PCDHGA7: variants seen among roughly 807,000 people sequenced by gnomAD.
PCDHGA7 encodes the protein protocadherin gamma subfamily A, 7.
PCDHGA7 carries 44 observed loss-of-function variants against 58.3 expected under a neutral mutation model. The observed-to-expected ratio is 0.75, with a 90% confidence interval of 0.59 to 0.97. PCDHGA7 has a LOEUF of 0.97. Among genes scored for constraint, PCDHGA7 ranks in the 50% least tolerant of loss-of-function variants. The pLI, the probability that PCDHGA7 is intolerant of heterozygous loss-of-function variation, is 0.00. For synonymous variants in PCDHGA7, 516 were observed against 504.2 expected (o/e 1.02, Z -0.31); for missense variants, 1,266 against 1,188.7 (o/e 1.06, Z -0.96).
Position 141,432,492 on chromosome 5 carries a change from C to A in PCDHGA7, c.2424+47169C>A. On this transcript the variant is annotated intron_variant, in intron 1 of 3. Transcript: ENST00000518325. The surrounding 1 kb of genome is among the most constrained non-coding windows in gnomAD (Gnocchi z 6.0). ...GACGGTTCCACTGGCGTGGAGCTGG[C>A]TCCCCGCTCCGCAGAGCCCGGCTAC... 6.2e-7 allele frequency: 1 copy of A among 1,614,168 alleles called. No individual in the cohort carries two copies. Among genetic ancestry groups the A allele is most frequent in the Admixed American group, 1.7e-5 (1 of 60,034 alleles).
In PCDHGA7 at chr5:141,383,962, T is replaced by C; in HGVS notation, c.1063T>C (p.Ser355Pro). The part of the protein sequence containing the change: ...PEVTMTSLSS[S>P]IPEDTPLGTV... ...AGTGACTATGACGTCTTTAAGTAGC[T>C]CAATCCCTGAAGACACACCTCTTGG... The change falls in exon 1 of 4, where the codon TCA becomes CCA. Residue 355 changes from serine to proline, a missense_variant. Coordinates refer to ENST00000518325, the MANE Select transcript of PCDHGA7 (RefSeq NM_018920.4). 1.2e-6 allele frequency: 2 copies of C among 1,613,460 alleles called. No individual in the cohort carries two copies. The highest frequency in any genetic ancestry group is 1.7e-6 in the Non-Finnish European group (2 of 1,179,426).
intron 1 of PCDHGA7, among the ~76,000 whole-genome samples, chr5:141,435,833 A>G (rs1354866725): frequency 6.6e-6 from 1 of 152,112 alleles, no homozygotes; most frequent in Non-Finnish European, 1.5e-5. Flanking sequence ...TTTGCTGCCT[A>G]TCTACTTTGA....
chr5:141,413,386 G>A (rs757396075), intron 1 of PCDHGA7: 6 of 1,613,884 alleles, frequency 3.7e-6, no homozygotes, highest in African/African-American at 1.3e-5. Context: ...AGTCCGCATA[G>A]TCTCCAGAGG....
chr5:141,424,184 C>A, intron 1 of PCDHGA7: 1 of 199,136 alleles, frequency 5.0e-6, no homozygotes, highest in Non-Finnish European at 9.9e-6. Context: ...TACACATGCA[C>A]ACACACTTAT....
At chr5:141,392,776 C>T in intron 1 of PCDHGA7, 1 of 1,526,772 alleles carries the variant, frequency 6.5e-7, no homozygotes, top group African/African-American at 1.4e-5. Flanking sequence ...CATTTATGCA[C>T]AGTGAAGATT....
Position 141,489,828 on chromosome 5 carries a change from A to G in PCDHGA7, c.2425-4979A>G. The G allele has an allele frequency of 1.9e-6, 3 of 1,614,010 alleles. No homozygotes were observed. The highest frequency in any genetic ancestry group is 1.1e-5 in the South Asian group (1 of 91,080). ...GGAAGCCATTCCCAGAGCTGGTGCTAGAGCAGCAGCTGGATCGTGAAGCCC... is the reference window on the plus strand; with the variant it reads ...GGAAGCCATTCCCAGAGCTGGTGCTGGAGCAGCAGCTGGATCGTGAAGCCC... On this transcript the variant is annotated intron_variant, in intron 1 of 3. Transcript: ENST00000518325. The surrounding 1 kb of genome is among the most constrained non-coding windows in gnomAD (Gnocchi z 4.5).
intron 1 of PCDHGA7, among the ~76,000 whole-genome samples, chr5:141,472,712 G>A (rs1303609397): frequency 1.3e-5 from 2 of 151,972 alleles, no homozygotes; most frequent in Admixed American, 6.6e-5. Flanking sequence ...CAGGCCAGGC[G>A]CTGTGGCTCA....
chr5:141,398,165 G>A (rs574512663), intron 1 of PCDHGA7: 4 of 1,479,272 alleles, frequency 2.7e-6, no homozygotes, highest in South Asian at 2.8e-5. Context: ...CGGGCTGAGA[G>A]GCTGCCAGTG....
Position 141,477,365 on chromosome 5 carries a change from C to T in PCDHGA7, c.2425-17442C>T, listed in dbSNP as rs754438240. On this transcript the variant is annotated intron_variant, in intron 1 of 3. Transcript: ENST00000518325. The surrounding 1 kb of genome is among the most constrained non-coding windows in gnomAD (Gnocchi z 4.9). ...TTTGAAAACCAGTGCAGACCTGGAT[C>T]GGGAGACTGTGCCAGAATACAACCT... The T allele has an allele frequency of 6.2e-7, 1 of 1,614,156 alleles. No homozygotes were observed. The highest frequency in any genetic ancestry group is 1.7e-5 in the Admixed American group (1 of 60,022).
intron 1 of PCDHGA7, among the ~76,000 whole-genome samples, chr5:141,443,781 C>CA (rs1227271563): frequency 8.6e-5 from 13 of 150,636 alleles, no homozygotes; most frequent in South Asian, 2.1e-4. Flanking sequence ...ACCAAAAAGA[C>CA]AAAAAAAATG....
At chr5:141,446,669 C>T (rs554578186) in intron 1 of PCDHGA7, among the ~76,000 whole-genome samples, 2 of 152,182 alleles carry the variant, frequency 1.3e-5, no homozygotes, top group Admixed American at 1.3e-4. Flanking sequence ...TACAAGACAG[C>T]ATTTCACCAT....
intron 1 of PCDHGA7, among the ~76,000 whole-genome samples, chr5:141,488,938 A>T (rs1195859645): frequency 6.6e-6 from 1 of 152,154 alleles, no homozygotes; most frequent in East Asian, 1.9e-4. Context: ...AGGAAACTCC[A>T]TAATTGGTTG....
chr5:141,391,821 T>G (rs2092426299), intron 1 of PCDHGA7: 1 of 152,220 alleles, frequency 6.6e-6, no homozygotes, highest in African/African-American at 2.4e-5. Flanking sequence ...GTAGGTAAAG[T>G]TAATTTTAGA....
chr5:141,393,049 C>T (rs2092663894), intron 1 of PCDHGA7: 4 of 1,613,486 alleles, frequency 2.5e-6, no homozygotes, highest in South Asian at 1.1e-5. Context: ...GCTCTGAACC[C>T]GCGCAGCGGC....
chr5:141,485,586 TG>T lies in PCDHGA7; in HGVS notation c.2425-9219del. The T allele has an allele frequency of 6.2e-7, 1 of 1,612,402 alleles. No homozygotes were observed. Among genetic ancestry groups the T allele is most frequent in the Non-Finnish European group, 8.5e-7 (1 of 1,178,600 alleles). Reference sequence around the variant, plus strand: ...GCCCCCCGTTTTCCGCGGCAGCAGCTGGACTTGGAAATTGGGGAGGCAGCTC... The same window carrying T: ...GCCCCCCGTTTTCCGCGGCAGCAGCTGACTTGGAAATTGGGGAGGCAGCTC... On this transcript the variant is annotated intron_variant, in intron 1 of 3. Coordinates refer to ENST00000518325, the MANE Select transcript of PCDHGA7 (RefSeq NM_018920.4). The surrounding 1 kb of genome is among the most constrained non-coding windows in gnomAD (Gnocchi z 5.7).
rs374049261 is a variant in PCDHGA7, at chr5:141,393,657, C to T, written c.2424+8334C>T. ...CAACGGAAAAGTGGCATACAAATTC[C>T]GGAAAATTAATGAAAAACAAACTCC... On this transcript the variant is annotated intron_variant, in intron 1 of 3. Coordinates refer to ENST00000518325, the MANE Select transcript of PCDHGA7 (RefSeq NM_018920.4). The T allele has an allele frequency of 3.5e-5, 57 of 1,613,744 alleles. No individual in the cohort carries two copies. In the African/African-American group the frequency reaches 6.5e-4, roughly 19 times the overall value.
chr5:141,410,063 C>A lies in PCDHGA7; in HGVS notation c.2424+24740C>A. 1.9e-6 allele frequency: 3 copies of A among 1,612,972 alleles called. No homozygotes were observed. The South Asian group carries it at 3.3e-5, about 18-fold the overall frequency. On this transcript the variant is annotated intron_variant, in intron 1 of 3. Coordinates refer to ENST00000518325, the MANE Select transcript of PCDHGA7 (RefSeq NM_018920.4). ...TGAGCCCGGACTCTTCAGCCTGGGG[C>A]TGCGCACTGGGGAGGTGCGCACGGC...
chr5:141,394,466 C>G lies in PCDHGA7; in HGVS notation c.2424+9143C>G, dbSNP rs765078363. 3.7e-6 allele frequency: 6 copies of G among 1,614,222 alleles called. 1 individual carries two copies. Among genetic ancestry groups the G allele is most frequent in the East Asian group, 4.5e-5 (2 of 44,878 alleles). On this transcript the variant is annotated intron_variant, in intron 1 of 3. Transcript: ENST00000518325. The stretch of plus-strand genomic sequence containing the variant: ...GCAGCAACATGTCACTGAGCCTGTT[C>G]GTGCTGGACCAGAATGACAACGCGC...
In PCDHGA7 at chr5:141,489,071, CA is replaced by C; in HGVS notation, c.2425-5735del. 3.1e-6 allele frequency: 1 copy of C among 326,700 alleles called. No homozygotes were observed. Among genetic ancestry groups the C allele is most frequent in the East Asian group, 5.9e-5 (1 of 17,012 alleles). 20.2% of individuals were successfully genotyped at this position (326,700 alleles called of 1,614,324 possible). A position where few individuals can be genotyped will look rare whatever the true frequency, so the allele number is the denominator to read the frequency against. On this transcript the variant is annotated intron_variant, in intron 1 of 3. Transcript: ENST00000518325. This position sits in a 1 kb window ranked among gnomAD's most constrained non-coding sequence, Gnocchi z 4.5. Reference sequence around the variant, plus strand: ...AAATTCAGCTCCCCTCCCCCCTGCCCACCCCCGCCACTCGGTGACTAAGAAC... The same window carrying C: ...AAATTCAGCTCCCCTCCCCCCTGCCCCCCCCGCCACTCGGTGACTAAGAAC...
Sources: allele counts gnomAD v4.1 joint callset (sites outside exome capture counted in the v4.1 genomes callset), GRCh38; gene constraint gnomAD v4.1.1; non-coding constraint Gnocchi (gnomAD v3.1); transcripts MANE v1.5; gene names NCBI Gene and HGNC (gene_info 2026-07-23, HGNC 2026-07-21).